TAF4B: variants seen among roughly 807,000 people sequenced by gnomAD.
TAF4B encodes TATA-box binding protein associated factor 4b, also known as transcription initiation factor TFIID subunit 4B.
In TAF4B, 38 loss-of-function variants were observed where a neutral mutation model predicts 86.4. The ratio of observed to expected loss-of-function variants is 0.44; its 90% CI spans 0.34 to 0.58. The LOEUF is 0.58. TAF4B is among the 20% of genes least tolerant of loss of function. TAF4B has a pLI of 0.02. For synonymous variants in TAF4B, 388 were observed against 391.2 expected (o/e 0.99, Z 0.10); for missense variants, 988 against 1,027.6 (o/e 0.96, Z 0.53).
intron 1 of TAF4B, among the ~76,000 whole-genome samples, chr18:26,235,977 C>T (rs965726485): frequency 5.9e-5 from 9 of 152,142 alleles, no homozygotes; most frequent in Non-Finnish European, 1.2e-4. Context: ...TCCTGTAATC[C>T]TTTAAGAGCT....
intron 14 of TAF4B, among the ~76,000 whole-genome samples, chr18:26,374,846 AG>A (rs2144357918): frequency 6.6e-6 from 1 of 152,338 alleles, no homozygotes; most frequent in South Asian, 2.1e-4. Context: ...TTGAAGGAAA[AG>A]TAAACATAAG....
At position 26,289,798 on chromosome 18, in the gene TAF4B, A is replaced by G. The variant is rs137937819; in HGVS notation, c.1591-2448A>G. On this transcript the variant is annotated intron_variant, in intron 7 of 14. Coordinates refer to ENST00000269142, the MANE Select transcript of TAF4B (RefSeq NM_005640.3). ...CATTAATGAATTCTCTTACATTATCACTCATTTTGTTTTTCTCAGCAGATG... is the reference window on the plus strand; with the variant it reads ...CATTAATGAATTCTCTTACATTATCGCTCATTTTGTTTTTCTCAGCAGATG... Among the ~76,000 whole-genome samples, 4 of 151,964 alleles carry G rather than the reference A, an allele frequency of 2.6e-5. No individual in the cohort carries two copies. The East Asian group carries it at 7.7e-4, about 29-fold the overall frequency.
At chr18:26,337,859 G>C (rs1411968944) in intron 13 of TAF4B, among the ~76,000 whole-genome samples, 1 of 152,192 alleles carries the variant, frequency 6.6e-6, no homozygotes, top group Non-Finnish European at 1.5e-5. Flanking sequence ...TTGGCTGTCT[G>C]AGAAGTTTTC....
intron 9 of TAF4B, among the ~76,000 whole-genome samples, chr18:26,300,466 GTTT>G (rs138242428): frequency 1.3e-4 from 15 of 119,326 alleles, no homozygotes; most frequent in Non-Finnish European, 2.2e-4. Flanking sequence ...TATAGGGTGT[GTTT>G]TTTTTTTTTT....
In TAF4B at chr18:26,343,626, A is replaced by G. The variant is rs9675422; in HGVS notation, c.2316+8395A>G. On this transcript the variant is annotated intron_variant, in intron 13 of 14. Coordinates refer to ENST00000269142, the MANE Select transcript of TAF4B (RefSeq NM_005640.3). Reference sequence around the variant, plus strand: ...TTTCTAGAATACCCAGAGTTTCATAATACAGTTGACATAGGTTTGAAGTGT... The same window carrying G: ...TTTCTAGAATACCCAGAGTTTCATAGTACAGTTGACATAGGTTTGAAGTGT... 8.1e-3 allele frequency among the ~76,000 whole-genome samples: 1,237 copies of G among 152,334 alleles called. 17 individuals are homozygous for G. Among genetic ancestry groups the G allele is most frequent in the African/African-American group, 0.028 (1,177 of 41,580 alleles).
chr18:26,288,873 G>C (rs1334976495), intron 7 of TAF4B, among the ~76,000 whole-genome samples: 1 of 152,092 alleles, frequency 6.6e-6, no homozygotes, highest in Non-Finnish European at 1.5e-5. Context: ...AAATTTGATG[G>C]TAAATTTTAG....
intron 2 of TAF4B, chr18:26,266,157 G>A (rs886290621): frequency 6.6e-6 from 1 of 152,100 alleles, no homozygotes; most frequent in Non-Finnish European, 1.5e-5. Context: ...TTGTTACCCA[G>A]GCTGGAGTGC....
chr18:26,300,037 G>T (rs1480047970), intron 9 of TAF4B, among the ~76,000 whole-genome samples: 1 of 152,032 alleles, frequency 6.6e-6, no homozygotes, highest in African/African-American at 2.4e-5. Context: ...GTCTCACTCT[G>T]TGGCCCAGAT....
intron 9 of TAF4B, among the ~76,000 whole-genome samples, chr18:26,307,977 G>A (rs1453397915): frequency 1.3e-5 from 2 of 152,082 alleles, no homozygotes; most frequent in African/African-American, 4.8e-5. Flanking sequence ...GGGTGTGGTG[G>A]TGCGCCTGTA....
rs1268745307 is a variant in TAF4B, at chr18:26,390,448, C to A, written c.*436C>A. On this transcript the variant is annotated 3_prime_UTR_variant, in exon 15 of 15. Coordinates refer to ENST00000269142, the MANE Select transcript of TAF4B (RefSeq NM_005640.3). ...AACCTGTCCCAAAGTGGTAGGTTTT[C>A]TGGGCTGGAATCAGAAGTTGCTTAG... 6.5e-6 allele frequency: 1 copy of A among 153,462 alleles called. No individual in the cohort carries two copies. Among genetic ancestry groups the A allele is most frequent in the Non-Finnish European group, 1.4e-5 (1 of 69,010 alleles). The allele number at this position is 153,462 out of a possible 1,614,324, so 9.5% of individuals were successfully genotyped here.
At chr18:26,305,185 T>C (rs571072451) in intron 9 of TAF4B, among the ~76,000 whole-genome samples, 2 of 152,220 alleles carry the variant, frequency 1.3e-5, no homozygotes, top group African/African-American at 2.4e-5. Flanking sequence ...TGTATGCACT[T>C]ACCTCAAATA....
chr18:26,285,552 T>C (rs961579354), intron 6 of TAF4B, among the ~76,000 whole-genome samples: 8 of 152,148 alleles, frequency 5.3e-5, no homozygotes, highest in African/African-American at 1.2e-4. Flanking sequence ...AATAAACTTA[T>C]AGATACTGAA....
chr18:26,268,837 T>TTATTG (rs1353786451), intron 3 of TAF4B, among the ~76,000 whole-genome samples: 4 of 152,134 alleles, frequency 2.6e-5, no homozygotes, highest in African/African-American at 2.4e-5. Context: ...TTATTTTATT[T>TTATTG]TTGAAGACAG....
intron 13 of TAF4B, among the ~76,000 whole-genome samples, chr18:26,339,623 C>CT (rs2057121029): frequency 1.3e-5 from 2 of 152,042 alleles, no homozygotes; most frequent in African/African-American, 4.8e-5. Flanking sequence ...CACTGTGGCC[C>CT]GCTGAATTGT....
At chr18:26,264,977 A>G (rs1179278356) in intron 1 of TAF4B, among the ~76,000 whole-genome samples, 193 bp from the exon 2 acceptor site, 1 of 152,222 alleles carries the variant, frequency 6.6e-6, no homozygotes, top group Admixed American at 6.5e-5. Flanking sequence ...CATTATATTC[A>G]TAGATTTTAA....
chr18:26,241,882 T>C (rs1461829865), intron 1 of TAF4B, among the ~76,000 whole-genome samples: 3 of 152,234 alleles, frequency 2.0e-5, no homozygotes, highest in Non-Finnish European at 2.9e-5. Flanking sequence ...AGTTTCCATG[T>C]AGTTGAGCGG....
At chr18:26,366,192 G>C (rs1239250498) in intron 14 of TAF4B, 3 of 152,134 alleles carry the variant, frequency 2.0e-5, no homozygotes, top group Non-Finnish European at 4.4e-5. Context: ...GTAATATTTA[G>C]ATTAGATTTG....
chr18:26,299,062 T>C (rs528608105), intron 9 of TAF4B, among the ~76,000 whole-genome samples: 33 of 151,904 alleles, frequency 2.2e-4, no homozygotes, highest in African/African-American at 6.5e-4. Context: ...GGTTTCTCCA[T>C]GTTAGTCAGG....
At chr18:26,267,664 ACTTTT>A in intron 3 of TAF4B, 41 bp downstream of exon 3, 1 of 1,415,344 alleles carries the variant, frequency 7.1e-7, no homozygotes. Context: ...TGTTCTCTTA[ACTTTT>A]AAAAAAATCA....
Sources: gnomAD v4.1 joint callset for allele counts (sites outside exome capture counted in the v4.1 genomes callset) on GRCh38, gnomAD v4.1.1 for gene constraint, MANE v1.5 for transcripts, NCBI Gene and HGNC (gene_info 2026-07-23, HGNC 2026-07-21) for gene names.